The following SPATA31H1 variants were observed in gnomAD, a reference collection of about 807,000 sequenced individuals.
SPATA31H1 encodes the protein SPATA31 subfamily H member 1, also known as spermatogenesis-associated protein 31H1.
At chr2:27,544,235 GCA>G in the SPATA31H1 span, among the ~76,000 whole-genome samples, 1 of 151,944 alleles carries the variant, frequency 6.6e-6, no homozygotes, top group Non-Finnish European at 1.5e-5. Context: ...ACCATAAAAT[GCA>G]CATATATTAA....
chr2:27,567,422 A>G, the SPATA31H1 span: 4 of 456,132 alleles, frequency 8.8e-6, no homozygotes, highest in East Asian at 1.3e-4. Flanking sequence ...AAACTCAGTT[A>G]TCTATGCCCA....
the SPATA31H1 span, among the ~76,000 whole-genome samples, chr2:27,540,423 G>A: frequency 2.3e-5 from 3 of 129,576 alleles, no homozygotes; most frequent in African/African-American, 6.0e-5. Flanking sequence ...CCTCCTGGAC[G>A]GGGCGACTGG....
At chr2:27,580,412 C>T in the SPATA31H1 span, 35,394 of 1,613,832 alleles carry the variant, frequency 0.022, 477 homozygotes, top group South Asian at 0.04. Flanking sequence ...AAGTGAGAAC[C>T]AAAAAGACCT....
the SPATA31H1 span, among the ~76,000 whole-genome samples, chr2:27,544,398 T>A: frequency 1.3e-5 from 2 of 152,018 alleles, no homozygotes. Flanking sequence ...TCTATTCTGA[T>A]TTCTATTGTC....
the SPATA31H1 span, chr2:27,576,830 A>C: frequency 3.7e-6 from 6 of 1,614,036 alleles, no homozygotes; most frequent in African/African-American, 8.0e-5. Context: ...CTCTGCAGCA[A>C]ACTATAAAAT....
At chr2:27,575,076 A>T in the SPATA31H1 span, 1 of 398,498 alleles carries the variant, frequency 2.5e-6, no homozygotes, top group East Asian at 3.6e-5. The surrounding 1 kb of genome is among the most constrained non-coding windows in gnomAD (Gnocchi z 4.1). Context: ...GACACCAGGG[A>T]TACACCTTCA....
the SPATA31H1 span, among the ~76,000 whole-genome samples, chr2:27,563,686 A>T: frequency 6.6e-6 from 1 of 151,766 alleles, no homozygotes; most frequent in African/African-American, 2.4e-5. Context: ...CAGCCTCCCA[A>T]GTAGCTGGGA....
the SPATA31H1 span, among the ~76,000 whole-genome samples, chr2:27,542,477 C>A: frequency 6.6e-6 from 1 of 152,074 alleles, no homozygotes; most frequent in East Asian, 1.9e-4. Flanking sequence ...TAACTAGAGG[C>A]TCTCATATTG....
the SPATA31H1 span, chr2:27,582,180 C>T: frequency 6.2e-7 from 1 of 1,614,038 alleles, no homozygotes; most frequent in Non-Finnish European, 8.5e-7. Context: ...GAGGAGAGGA[C>T]ACAGTTCCTC....
At chr2:27,546,911 C>G in the SPATA31H1 span, among the ~76,000 whole-genome samples, 1 of 151,982 alleles carries the variant, frequency 6.6e-6, no homozygotes, top group Non-Finnish European at 1.5e-5. Flanking sequence ...AAATCTGACC[C>G]TACACTTTCA....
the SPATA31H1 span, among the ~76,000 whole-genome samples, chr2:27,556,494 AT>A: frequency 6.7e-6 from 1 of 148,164 alleles, no homozygotes; most frequent in Non-Finnish European, 1.5e-5. Flanking sequence ...TCTTTTATCT[AT>A]TTTCTTTCCA....
chr2:27,573,658 A>C, the SPATA31H1 span: 1 of 398,488 alleles, frequency 2.5e-6, no homozygotes, highest in East Asian at 3.6e-5. Flanking sequence ...CCTGGGCTTC[A>C]CTCGCAAGAT....
At chr2:27,578,216 T>C in the SPATA31H1 span, 2 of 1,614,170 alleles carry the variant, frequency 1.2e-6, no homozygotes, top group Non-Finnish European at 1.7e-6. Context: ...AACTGCAATA[T>C]GTGAGACCTT....
At chr2:27,547,227 G>A in the SPATA31H1 span, among the ~76,000 whole-genome samples, 1 of 151,066 alleles carries the variant, frequency 6.6e-6, no homozygotes, top group African/African-American at 2.5e-5. Context: ...AGGCTAGAGG[G>A]CAGTGAGGTG....
At chr2:27,556,134 CAAAA>C in the SPATA31H1 span, among the ~76,000 whole-genome samples, 83 of 92,854 alleles carry the variant, frequency 8.9e-4, no homozygotes, top group Middle Eastern at 0.012. Flanking sequence ...GACTCCATCT[CAAAA>C]AAAAAAAAAA....
chr2:27,566,941 G>C, the SPATA31H1 span: 1 of 717,362 alleles, frequency 1.4e-6, no homozygotes, highest in African/African-American at 1.7e-5. Flanking sequence ...GGAACAACTT[G>C]GGAATTCCGG....
At chr2:27,563,850 C>T in the SPATA31H1 span, among the ~76,000 whole-genome samples, 14 of 150,462 alleles carry the variant, frequency 9.3e-5, no homozygotes, top group East Asian at 1.8e-3. Flanking sequence ...CATGAGCCAC[C>T]GTGCCTGGCT....
the SPATA31H1 span, among the ~76,000 whole-genome samples, chr2:27,561,354 C>T: frequency 6.6e-6 from 1 of 152,002 alleles, no homozygotes; most frequent in African/African-American, 2.4e-5. Context: ...TTGAGACATA[C>T]CAATGTATAT....
the SPATA31H1 span, chr2:27,568,160 A>G: frequency 2.5e-6 from 1 of 398,912 alleles, no homozygotes; most frequent in Non-Finnish European, 4.4e-6. Flanking sequence ...AATCACATCC[A>G]TGTATAGAAT....
Sources: gnomAD v4.1 joint callset for allele counts (sites outside exome capture counted in the v4.1 genomes callset) on GRCh38, gnomAD v4.1.1 for gene constraint, Gnocchi (gnomAD v3.1) non-coding constraint, MANE v1.5 for transcripts, NCBI Gene and HGNC (gene_info 2026-07-23, HGNC 2026-07-21) for gene names.